RIMS1: variants seen among roughly 807,000 people sequenced by gnomAD.
The protein encoded by RIMS1 is regulating synaptic membrane exocytosis protein 1.
A neutral mutation model predicts 214.1 loss-of-function variants in RIMS1; 83 were observed. That is an observed-to-expected ratio of 0.39 (90% CI 0.32 to 0.47). The LOEUF (loss-of-function observed/expected upper bound fraction) is 0.47. Ranked by LOEUF, RIMS1 falls within the 20% of genes least tolerant of loss-of-function variation. RIMS1 has a pLI of 0.99. For synonymous variants in RIMS1, 793 were observed against 786.8 expected, an observed-to-expected ratio of 1.01 and a Z score of -0.13; for missense variants, 2,050 against 2,161.8, an observed-to-expected ratio of 0.95 and a Z score of 1.03.
chr6:71,936,405 G>T (rs1784487452), intron 1 of RIMS1, among the ~76,000 whole-genome samples: 1 of 148,920 alleles, frequency 6.7e-6, no homozygotes, highest in Non-Finnish European at 1.5e-5. Flanking sequence ...TGACTGTAAA[G>T]TACGAGTAAA....
chr6:72,064,845 G>C (rs1456641337), intron 2 of RIMS1, among the ~76,000 whole-genome samples: 5 of 152,162 alleles, frequency 3.3e-5, no homozygotes, highest in Non-Finnish European at 7.3e-5. Context: ...ATTTTGTTTG[G>C]GGTTATGGTT....
intron 29 of RIMS1, among the ~76,000 whole-genome samples, chr6:72,348,748 G>T (rs2097350659): frequency 6.6e-6 from 1 of 151,568 alleles, no homozygotes; most frequent in African/African-American, 2.4e-5. Flanking sequence ...TCTCCCCTTT[G>T]TGGAACCTCC....
chr6:72,101,489 C>A (rs1003604836), intron 4 of RIMS1, among the ~76,000 whole-genome samples: 1 of 151,904 alleles, frequency 6.6e-6, no homozygotes, highest in African/African-American at 2.4e-5. Flanking sequence ...AAGAGAATAA[C>A]TGACTATTAA....
intron 1 of RIMS1, among the ~76,000 whole-genome samples, chr6:71,904,353 G>C (rs1774636481): frequency 6.6e-6 from 1 of 152,134 alleles, no homozygotes; most frequent in Admixed American, 6.6e-5. Context: ...GTAGGAGAAA[G>C]TGGGCTATAA....
intron 2 of RIMS1, among the ~76,000 whole-genome samples, chr6:72,055,216 T>C (rs1825828432): frequency 6.6e-6 from 1 of 152,172 alleles, no homozygotes; most frequent in African/African-American, 2.4e-5. Context: ...GAAATTGCTT[T>C]TTATTTCTTT....
chr6:72,237,276 A>C (rs1291345040), intron 8 of RIMS1, among the ~76,000 whole-genome samples: 9 of 151,902 alleles, frequency 5.9e-5, no homozygotes, highest in Admixed American at 4.6e-4. Flanking sequence ...AAGGGAAAGA[A>C]AGAAAAGAGA....
chr6:72,395,817 T>A (rs2154447949), intron 31 of RIMS1, among the ~76,000 whole-genome samples: 1 of 152,068 alleles, frequency 6.6e-6, no homozygotes, highest in Non-Finnish European at 1.5e-5. Flanking sequence ...ACTGATTTGA[T>A]CATAACAAAG....
intron 27 of RIMS1, among the ~76,000 whole-genome samples, chr6:72,310,202 C>T (rs2095439621): frequency 1.3e-5 from 2 of 152,136 alleles, no homozygotes; most frequent in African/African-American, 4.8e-5. Flanking sequence ...TTTAACCAAC[C>T]ACTAGTAGAA....
chr6:72,204,317 T>A (rs573174183), intron 6 of RIMS1, among the ~76,000 whole-genome samples: 1 of 152,302 alleles, frequency 6.6e-6, no homozygotes, highest in East Asian at 1.9e-4. Context: ...TTCCAGTCGG[T>A]GCGGTGGTGA....
chr6:72,119,076 T>C (rs1037849555), intron 4 of RIMS1, among the ~76,000 whole-genome samples: 1 of 151,648 alleles, frequency 6.6e-6, no homozygotes, highest in Non-Finnish European at 1.5e-5. Context: ...TAAAAAACCT[T>C]AAAGACTCAT....
At chr6:72,228,222 C>G (rs187040477) in intron 6 of RIMS1, among the ~76,000 whole-genome samples, 1 of 151,934 alleles carries the variant, frequency 6.6e-6, no homozygotes, top group East Asian at 1.9e-4. Context: ...ATTGTTAACT[C>G]TAGACACAAT....
chr6:71,896,455 GGGTACAACTATGAT>G (rs1238983082), intron 1 of RIMS1, among the ~76,000 whole-genome samples: 1 of 152,058 alleles, frequency 6.6e-6, no homozygotes, highest in Non-Finnish European at 1.5e-5. Context: ...AGTCACTATT[GGGTACAACTATGAT>G]GGATAATCAG....
chr6:72,389,098 G>A (rs2098660990), intron 29 of RIMS1, among the ~76,000 whole-genome samples: 2 of 152,130 alleles, frequency 1.3e-5, no homozygotes, highest in South Asian at 4.1e-4. Flanking sequence ...TCTAGGGATT[G>A]TCTATTTCTA....
chr6:72,102,769 G>A (rs905603484), intron 4 of RIMS1, among the ~76,000 whole-genome samples: 16 of 152,014 alleles, frequency 1.1e-4, no homozygotes, highest in Admixed American at 5.9e-4. Flanking sequence ...ATACCAAAGT[G>A]ATGATTTGTT....
chr6:72,139,327 A>G (rs913425841), intron 4 of RIMS1, among the ~76,000 whole-genome samples: 1 of 152,132 alleles, frequency 6.6e-6, no homozygotes, highest in Non-Finnish European at 1.5e-5. Flanking sequence ...TGACATTTTC[A>G]GTTTCCTATA....
chr6:72,091,614 A>C (rs549730509), intron 2 of RIMS1, among the ~76,000 whole-genome samples: 21 of 152,258 alleles, frequency 1.4e-4, no homozygotes, highest in Admixed American at 4.6e-4. Flanking sequence ...CACCCAAACA[A>C]CTTTTTTACA....
chr6:72,323,614 A>G (rs2096284292), intron 28 of RIMS1, among the ~76,000 whole-genome samples: 1 of 151,914 alleles, frequency 6.6e-6, no homozygotes, highest in African/African-American at 2.4e-5. Context: ...TCTAATGTAT[A>G]TAGAGTCCCA....
intron 6 of RIMS1, among the ~76,000 whole-genome samples, chr6:72,218,767 AAG>A (rs1234079740): frequency 2.6e-5 from 4 of 152,166 alleles, no homozygotes; most frequent in African/African-American, 9.7e-5. Context: ...ACGAAAGAAA[AAG>A]AGAAACAATG....
intron 15 of RIMS1, 120 bp downstream of exon 15, chr6:72,251,488 G>A (rs2073299148): frequency 2.4e-6 from 2 of 850,254 alleles, no homozygotes; most frequent in African/African-American, 1.7e-5. Context: ...CTGGAAAATT[G>A]TTCATCTTTA....
Sources: gnomAD v4.1 joint callset for allele counts (sites outside exome capture counted in the v4.1 genomes callset) on GRCh38, gnomAD v4.1.1 for gene constraint, MANE v1.5 for transcripts, NCBI Gene and HGNC (gene_info 2026-07-23, HGNC 2026-07-21) for gene names.